Variants in MAD1L1 observed in about 807,000 individuals in gnomAD.
MAD1L1 encodes the protein mitotic arrest deficient 1 like 1, also known as mitotic spindle assembly checkpoint protein MAD1.
A neutral mutation model predicts 96.9 loss-of-function variants in MAD1L1; 95 were observed. That is an observed-to-expected ratio of 0.98 (90% CI 0.83 to 1.16). The LOEUF is 1.16. MAD1L1 is among the 50% of genes most tolerant of loss of function. The pLI, the probability that MAD1L1 is intolerant of heterozygous loss-of-function variation, is 0.00. For missense variants in MAD1L1, 1,007 were observed against 954.4 expected, an observed-to-expected ratio of 1.06 and a Z score of -0.73; for synonymous variants, 473 against 396.6, an observed-to-expected ratio of 1.19 and a Z score of -2.29.
chr7:1,916,209 C>G lies in MAD1L1; in HGVS notation c.1808-17819G>C, dbSNP rs142456959. 3.7e-4 allele frequency among the ~76,000 whole-genome samples: 57 copies of G among 152,286 alleles called. No individual in the cohort carries two copies. In the East Asian group the frequency reaches 0.011, roughly 28 times the overall value. On this transcript the variant is annotated intron_variant, in intron 17 of 18. Transcript: ENST00000265854. ...GACATGCAAACGGGTGAAGCCGCCT[C>G]GGAAACCGTAAGGCAGCTCCTCTCC...
chr7:1,938,649 A>C (rs1226965950), intron 16 of MAD1L1, among the ~76,000 whole-genome samples: 1 of 151,976 alleles, frequency 6.6e-6, no homozygotes, highest in African/African-American at 2.4e-5. Flanking sequence ...TCTGCAAAAC[A>C]TGTGAGCAGA....
chr7:1,924,855 T>C (rs747153183), intron 17 of MAD1L1, among the ~76,000 whole-genome samples: 2 of 152,186 alleles, frequency 1.3e-5, no homozygotes, highest in Non-Finnish European at 2.9e-5. Context: ...GGTGAAATCC[T>C]GACGTTTCCA....
chr7:1,917,314 C>T lies in MAD1L1; in HGVS notation c.1808-18924G>A, dbSNP rs1011986724. 1.4e-4 allele frequency among the ~76,000 whole-genome samples: 22 copies of T among 152,330 alleles called. No individual in the cohort carries two copies. In the East Asian group the frequency reaches 3.9e-3, roughly 27 times the overall value. On this transcript the variant is annotated intron_variant, in intron 17 of 18. Coordinates refer to ENST00000265854, the MANE Select transcript of MAD1L1 (RefSeq NM_001013836.2). The stretch of plus-strand genomic sequence containing the variant: ...GACCACCCAGCCCTGCACACGTGCG[C>T]TGTGCTCACAGGAGCCTCATGACAG...
chr7:1,844,532 G>A (rs1562448484), intron 18 of MAD1L1, among the ~76,000 whole-genome samples: 1 of 152,194 alleles, frequency 6.6e-6, no homozygotes, highest in Non-Finnish European at 1.5e-5. Context: ...GGCGGCCCAG[G>A]GAGAGGCGCA....
chr7:2,156,027 G>A (rs1396957104), intron 10 of MAD1L1, among the ~76,000 whole-genome samples: 1 of 152,260 alleles, frequency 6.6e-6, no homozygotes, highest in East Asian at 1.9e-4. Context: ...CAAAAAGGTG[G>A]TCAGGCAGTT....
chr7:2,082,475 T>G (rs1043690690), intron 11 of MAD1L1, among the ~76,000 whole-genome samples: 2 of 152,086 alleles, frequency 1.3e-5, no homozygotes, highest in Non-Finnish European at 2.9e-5. Context: ...AGCCGTGACT[T>G]CAGCACCATG....
At chr7:2,094,795 A>C (rs1218243606) in intron 11 of MAD1L1, among the ~76,000 whole-genome samples, 4 of 152,150 alleles carry the variant, frequency 2.6e-5, no homozygotes, top group Non-Finnish European at 4.4e-5. Flanking sequence ...CCATCTACAT[A>C]GAGACCAAAC....
intron 17 of MAD1L1, among the ~76,000 whole-genome samples, chr7:1,909,329 A>G (rs561922164): frequency 5.3e-5 from 8 of 152,352 alleles, no homozygotes; most frequent in Admixed American, 3.3e-4. Context: ...CCCAGGCCCA[A>G]TGCCGAGCCA....
At chr7:2,036,573 G>T (rs1403255408) in intron 12 of MAD1L1, among the ~76,000 whole-genome samples, 1 of 152,170 alleles carries the variant, frequency 6.6e-6, no homozygotes, top group East Asian at 1.9e-4. Context: ...GGAAGCCCAG[G>T]TTGTCACTGG....
chr7:2,216,880 T>C (rs1207062631), intron 7 of MAD1L1, among the ~76,000 whole-genome samples: 1 of 152,212 alleles, frequency 6.6e-6, no homozygotes, highest in Non-Finnish European at 1.5e-5. Context: ...CTTCCTGGGC[T>C]GCACCAGGGG....
rs1787859299 is a variant in MAD1L1, at chr7:2,119,178, T to C, written c.1073+29974A>G. 6.6e-6 allele frequency among the ~76,000 whole-genome samples: 1 copy of C among 152,116 alleles called. No homozygotes were observed. Reference sequence around the variant, plus strand: ...CAGGCCAGGCAGCCTGGACTCCTGCTGTGTTTCATCTACTGTGACATTTCT... The same window carrying C: ...CAGGCCAGGCAGCCTGGACTCCTGCCGTGTTTCATCTACTGTGACATTTCT... On this transcript the variant is annotated intron_variant, in intron 11 of 18. Transcript: ENST00000265854. The surrounding 1 kb of genome is among the most constrained non-coding windows in gnomAD (Gnocchi z 4.6).
chr7:1,927,484 C>A (rs548734831), intron 17 of MAD1L1, among the ~76,000 whole-genome samples: 1 of 152,268 alleles, frequency 6.6e-6, no homozygotes, highest in African/African-American at 2.4e-5. Context: ...AGCAAAGGAA[C>A]AGACGCTTAG....
intron 10 of MAD1L1, among the ~76,000 whole-genome samples, chr7:2,155,738 T>G (rs1789801324): frequency 6.6e-6 from 1 of 152,224 alleles, no homozygotes; most frequent in African/African-American, 2.4e-5. Flanking sequence ...ACCTTTTGGC[T>G]GTTGTGAATA....
At chr7:2,079,578 G>C (rs762183830) in intron 11 of MAD1L1, 4 of 466,492 alleles carry the variant, frequency 8.6e-6, no homozygotes, top group Non-Finnish European at 1.8e-5. Flanking sequence ...CAGATAAACA[G>C]AGGCCACACG....
In MAD1L1 at chr7:1,854,214, A is replaced by G. The variant is rs912390540; in HGVS notation, c.1999-37986T>C. The G allele has an allele frequency of 5.7e-5, 19 of 332,716 alleles. 1 individual carries two copies. The highest frequency in any genetic ancestry group is 3.6e-4 in the South Asian group (16 of 44,460). 20.6% of individuals were successfully genotyped at this position (332,716 alleles called of 1,614,324 possible). On this transcript the variant is annotated intron_variant, in intron 18 of 18. Transcript: ENST00000265854. The stretch of plus-strand genomic sequence containing the variant: ...AGCCCCAACACTGAGCACCCAGGAC[A>G]GGCCGCACCCACCATGGCCCCGGTG...
At chr7:2,194,015 C>T (rs773392438) in intron 10 of MAD1L1, among the ~76,000 whole-genome samples, 14 of 135,678 alleles carry the variant, frequency 1.0e-4, no homozygotes, top group Middle Eastern at 4.4e-3. Flanking sequence ...ATGATCTCGG[C>T]TCACTGCAGC....
chr7:2,081,523 A>G (rs960380902), intron 11 of MAD1L1, among the ~76,000 whole-genome samples: 2 of 152,228 alleles, frequency 1.3e-5, no homozygotes, highest in Admixed American at 6.5e-5. Flanking sequence ...AAATCCCCGC[A>G]TCGGGCCGGA....
At chr7:1,922,081 G>A (rs1475628710) in intron 17 of MAD1L1, among the ~76,000 whole-genome samples, 2 of 152,258 alleles carry the variant, frequency 1.3e-5, no homozygotes, top group African/African-American at 2.4e-5. Flanking sequence ...CAGCTCTGAC[G>A]ATGGAGGGAG....
chr7:2,001,422 G>A (rs1434215645), intron 14 of MAD1L1, among the ~76,000 whole-genome samples: 1 of 152,278 alleles, frequency 6.6e-6, no homozygotes, highest in Non-Finnish European at 1.5e-5. Context: ...AAAACAGTGG[G>A]AAGCTTTTGA....
Sources: allele counts gnomAD v4.1 joint callset (sites outside exome capture counted in the v4.1 genomes callset), GRCh38; gene constraint gnomAD v4.1.1; non-coding constraint Gnocchi (gnomAD v3.1); transcripts MANE v1.5; gene names NCBI Gene and HGNC (gene_info 2026-07-23, HGNC 2026-07-21).